The following R3HDM1 variants were observed in gnomAD, a reference collection of about 807,000 sequenced individuals.
R3HDM1 encodes the protein R3H domain containing 1.
A neutral mutation model predicts 141.1 loss-of-function variants in R3HDM1; 46 were observed. The observed-to-expected ratio is 0.33, with a 90% CI of 0.26 to 0.42. The LOEUF is 0.42. R3HDM1 is among the 10% of genes least tolerant of loss of function. The pLI, the probability that R3HDM1 is intolerant of heterozygous loss-of-function variation, is 1.00. For missense variants in R3HDM1, 1,184 were observed against 1,368.3 expected (o/e 0.87, Z 2.12); for synonymous variants, 435 against 472.9 (o/e 0.92, Z 1.04).
intron 3 of R3HDM1, among the ~76,000 whole-genome samples, chr2:135,613,573 T>TA (rs1316399163): frequency 2.6e-5 from 4 of 152,110 alleles, no homozygotes; most frequent in Non-Finnish European, 5.9e-5. Context: ...TTCCAGCACT[T>TA]TAGGAGGCCA....
chr2:135,671,286 G>A lies in R3HDM1; in HGVS notation c.2153-4046G>A, dbSNP rs1035084339. Among the ~76,000 whole-genome samples, 11 of 151,788 alleles carry A rather than the reference G, an allele frequency of 7.2e-5. No homozygotes were observed. The East Asian group carries it at 7.7e-4, about 11-fold the overall frequency. On this transcript the variant is annotated intron_variant, in intron 19 of 26. Coordinates refer to ENST00000683871, the MANE Select transcript of R3HDM1 (RefSeq NM_001378107.1). ...TTCCAGTCTGATGTGATTTGTATTC[G>A]TGGGAGTGTCATTTTAATGAAAAGG...
intron 1 of R3HDM1, among the ~76,000 whole-genome samples, chr2:135,557,913 T>C (rs943252565): frequency 3.3e-5 from 5 of 152,128 alleles, no homozygotes; most frequent in African/African-American, 1.2e-4. Context: ...CATGGGCCCA[T>C]GTACAAAGGA....
chr2:135,549,561 C>CAA (rs1236257586), intron 1 of R3HDM1, among the ~76,000 whole-genome samples: 3,760 of 67,150 alleles, frequency 0.056, 360 homozygotes, highest in African/African-American at 0.18. Context: ...AACTCTGCCT[C>CAA]AAAAAAAAAA....
At chr2:135,585,056 C>T (rs1314501561) in intron 1 of R3HDM1, among the ~76,000 whole-genome samples, 1 of 152,052 alleles carries the variant, frequency 6.6e-6, no homozygotes, top group Non-Finnish European at 1.5e-5. Context: ...TGATTTTTAC[C>T]AGAAAGTTCA....
At chr2:135,591,570 TATC>T (rs1709284352) in intron 1 of R3HDM1, among the ~76,000 whole-genome samples, 2 of 152,194 alleles carry the variant, frequency 1.3e-5, no homozygotes, top group South Asian at 2.1e-4. Flanking sequence ...CTGCCAACAT[TATC>T]ATGCTATGAA....
At chr2:135,551,804 A>G (rs1446025522) in intron 1 of R3HDM1, among the ~76,000 whole-genome samples, 1 of 152,188 alleles carries the variant, frequency 6.6e-6, no homozygotes, top group South Asian at 2.1e-4. Flanking sequence ...TGAAATGTCA[A>G]AAATTATTGT....
At chr2:135,691,632 A>T (rs2072397892) in intron 21 of R3HDM1, among the ~76,000 whole-genome samples, 1 of 151,860 alleles carries the variant, frequency 6.6e-6, no homozygotes, top group African/African-American at 2.4e-5. Context: ...TTTTCTTTTT[A>T]AATTAAATAT....
At chr2:135,572,228 TACAGGCATGAGCC>T (rs1181174812) in intron 1 of R3HDM1, among the ~76,000 whole-genome samples, 4 of 152,178 alleles carry the variant, frequency 2.6e-5, no homozygotes, top group African/African-American at 9.7e-5. Flanking sequence ...GTGATGGGAT[TACAGGCATGAGCC>T]ACTGCACCTG....
chr2:135,622,441 G>T (rs1354245565), intron 6 of R3HDM1: 1 of 983,904 alleles, frequency 1.0e-6, no homozygotes, highest in Non-Finnish European at 1.2e-6. Flanking sequence ...AATGTGCGTG[G>T]ATATGCAGTT....
At chr2:135,654,951 T>C (rs983939070) in intron 18 of R3HDM1, among the ~76,000 whole-genome samples, 1 of 151,970 alleles carries the variant, frequency 6.6e-6, no homozygotes, top group African/African-American at 2.4e-5. Flanking sequence ...TTCTGGATAC[T>C]AGACCCTTGT....
At chr2:135,639,190 T>G in intron 14 of R3HDM1, 68 bp downstream of exon 14, 2 of 1,437,970 alleles carry the variant, frequency 1.4e-6, no homozygotes, top group Non-Finnish European at 1.9e-6. Context: ...CAGGTCCTTA[T>G]TTATCAGATG....
intron 1 of R3HDM1, among the ~76,000 whole-genome samples, chr2:135,552,972 G>C (rs952057643): frequency 6.6e-6 from 1 of 151,934 alleles, no homozygotes; most frequent in Non-Finnish European, 1.5e-5. Context: ...TCACCCTCTT[G>C]GGCTCAAGCG....
At chr2:135,615,366 G>T (rs1221111228) in intron 3 of R3HDM1, among the ~76,000 whole-genome samples, 2 of 152,036 alleles carry the variant, frequency 1.3e-5, no homozygotes, top group Non-Finnish European at 1.5e-5. Flanking sequence ...TACTTTTGCC[G>T]TGTACTATTT....
intron 1 of R3HDM1, chr2:135,566,867 C>G (rs1573882522): frequency 1.7e-6 from 1 of 593,792 alleles, no homozygotes; most frequent in Non-Finnish European, 2.1e-6. Flanking sequence ...AGCTACTTGG[C>G]AGGCTGGGGC....
At chr2:135,706,087 C>T (rs914559112) in intron 21 of R3HDM1, among the ~76,000 whole-genome samples, 4 of 151,420 alleles carry the variant, frequency 2.6e-5, no homozygotes, top group African/African-American at 7.3e-5. Context: ...CAAGATTGCG[C>T]CACTGCACTC....
chr2:135,596,017 G>T (rs1559198555), intron 1 of R3HDM1, among the ~76,000 whole-genome samples: 1 of 151,954 alleles, frequency 6.6e-6, no homozygotes, highest in Non-Finnish European at 1.5e-5. Flanking sequence ...TTTTCTTTTT[G>T]AGAGGGAGTC....
At chr2:135,663,563 G>A (rs1401323264) in intron 19 of R3HDM1, among the ~76,000 whole-genome samples, 1 of 152,162 alleles carries the variant, frequency 6.6e-6, no homozygotes, top group Non-Finnish European at 1.5e-5. Flanking sequence ...ATGCTAATAA[G>A]TATCATAGAA....
intron 2 of R3HDM1, 118 bp from the exon 3 acceptor site, chr2:135,604,688 G>A (rs1485994988): frequency 1.4e-6 from 1 of 734,344 alleles, no homozygotes; most frequent in African/African-American, 1.8e-5. Flanking sequence ...TTGAAATCAA[G>A]AATTTTGTTC....
At position 135,724,584 on chromosome 2, in the gene R3HDM1, C is replaced by T. The variant is rs996415097; in HGVS notation, c.*292C>T. On this transcript the variant is annotated 3_prime_UTR_variant, in exon 27 of 27. Coordinates refer to ENST00000683871, the MANE Select transcript of R3HDM1 (RefSeq NM_001378107.1). ...TTATTTTGTTTTATATTTCTAAATT[C>T]TTGTATCAGATCCAAAGCTCTATTG... The T allele has an allele frequency of 8.3e-5, 22 of 264,526 alleles. No homozygotes were observed. Among genetic ancestry groups the T allele is most frequent in the African/African-American group, 4.9e-4 (22 of 45,356 alleles). 16.4% of individuals were successfully genotyped at this position (264,526 alleles called of 1,614,324 possible).
Sources: gnomAD v4.1 joint callset for allele counts (sites outside exome capture counted in the v4.1 genomes callset) on GRCh38, gnomAD v4.1.1 for gene constraint, MANE v1.5 for transcripts, NCBI Gene and HGNC (gene_info 2026-07-23, HGNC 2026-07-21) for gene names.